CCSER2: variants seen among roughly 807,000 people sequenced by gnomAD.
CCSER2 encodes coiled-coil serine rich protein 2, also known as serine-rich coiled-coil domain-containing protein 2.
A neutral mutation model predicts 92.3 loss-of-function variants in CCSER2; 46 were observed. That is an observed-to-expected ratio of 0.50 (90% CI 0.39 to 0.64). CCSER2 has a LOEUF of 0.64. Among genes scored for constraint, CCSER2 ranks in the 30% least tolerant of loss-of-function variants. The pLI is 0.00. For synonymous variants in CCSER2, 433 were observed against 431.4 expected, an observed-to-expected ratio of 1.00 and a Z score of -0.04; for missense variants, 1,244 against 1,238.9, an observed-to-expected ratio of 1.00 and a Z score of -0.06.
chr10:84,436,305 G>T (rs563670140), intron 5 of CCSER2, among the ~76,000 whole-genome samples: 182 of 109,366 alleles, frequency 1.7e-3, no homozygotes, highest in Middle Eastern at 0.021. Context: ...CAGCCTGGGC[G>T]ACAGAGCGAG....
At chr10:84,478,506 C>T (rs780909983) in intron 9 of CCSER2, among the ~76,000 whole-genome samples, 6 of 152,128 alleles carry the variant, frequency 3.9e-5, no homozygotes, top group Non-Finnish European at 8.8e-5. Flanking sequence ...AAAGCTTAGC[C>T]ATAAGCCTTT....
At chr10:84,447,975 T>C (rs1198251867) in intron 6 of CCSER2, among the ~76,000 whole-genome samples, 1 of 152,124 alleles carries the variant, frequency 6.6e-6, no homozygotes, top group East Asian at 1.9e-4. Context: ...GTTATCCTGC[T>C]AAGATTCTGA....
At chr10:84,348,456 G>C (rs1844668462) in intron 1 of CCSER2, among the ~76,000 whole-genome samples, 3 of 143,906 alleles carry the variant, frequency 2.1e-5, no homozygotes, top group African/African-American at 7.7e-5. Context: ...GAGAGGGAGA[G>C]GGAGACCATG....
chr10:84,358,639 TATATATGTGTATATATATATACATATAC>T (rs1199732651), intron 1 of CCSER2, among the ~76,000 whole-genome samples: 1 of 148,180 alleles, frequency 6.7e-6, no homozygotes, highest in African/African-American at 2.5e-5. Flanking sequence ...TATATATATG[TATATATGTGTATATATATATACATATAC>T]ATATATGTAT....
chr10:84,500,655 T>C (rs1848675219), intron 9 of CCSER2, among the ~76,000 whole-genome samples: 1 of 152,246 alleles, frequency 6.6e-6, no homozygotes. Flanking sequence ...TTTTATGTAC[T>C]TAAGTATGCC....
intron 3 of CCSER2, among the ~76,000 whole-genome samples, chr10:84,399,954 G>C (rs987811325): frequency 6.6e-6 from 1 of 151,324 alleles, no homozygotes; most frequent in African/African-American, 2.4e-5. Context: ...GGCGTTAAGT[G>C]GTATTTTATT....
chr10:84,511,680 T>C (rs556827265), intron 9 of CCSER2, among the ~76,000 whole-genome samples: 1 of 152,320 alleles, frequency 6.6e-6, no homozygotes, highest in East Asian at 1.9e-4. Context: ...TTACTTTTTA[T>C]TCCCTTTGGT....
chr10:84,446,305 A>C (rs921249654), intron 6 of CCSER2, among the ~76,000 whole-genome samples: 5 of 152,222 alleles, frequency 3.3e-5, no homozygotes, highest in Non-Finnish European at 7.3e-5. Context: ...GTATTTTATG[A>C]ACTGTCAAAT....
chr10:84,346,919 G>A (rs1844519704), intron 1 of CCSER2, among the ~76,000 whole-genome samples: 1 of 152,058 alleles, frequency 6.6e-6, no homozygotes, highest in Non-Finnish European at 1.5e-5. Flanking sequence ...CTAGGCAGAG[G>A]ACCCTGTGGC....
intron 3 of CCSER2, among the ~76,000 whole-genome samples, chr10:84,401,989 A>T (rs1458145478): frequency 6.6e-6 from 1 of 152,172 alleles, no homozygotes; most frequent in Admixed American, 6.5e-5. Context: ...CATTAAATGG[A>T]CCATTCACTT....
At chr10:84,443,819 A>G (rs1844736163) in intron 6 of CCSER2, among the ~76,000 whole-genome samples, 1 of 152,214 alleles carries the variant, frequency 6.6e-6, no homozygotes, top group East Asian at 1.9e-4. Context: ...GCCACAAAAA[A>G]GGATGAGTTC....
chr10:84,471,273 T>C (rs1156343973), intron 8 of CCSER2, among the ~76,000 whole-genome samples: 2 of 151,832 alleles, frequency 1.3e-5, no homozygotes, highest in Admixed American at 6.6e-5. Context: ...ACAAAGAAAA[T>C]TTATGAAACT....
intron 3 of CCSER2, among the ~76,000 whole-genome samples, chr10:84,386,469 C>T (rs569624227): frequency 6.6e-6 from 1 of 152,314 alleles, no homozygotes; most frequent in East Asian, 1.9e-4. Context: ...GTAATCCCAG[C>T]AGTTTGGGAG....
intron 1 of CCSER2, among the ~76,000 whole-genome samples, chr10:84,368,856 G>A (rs1845919479): frequency 6.6e-6 from 1 of 151,962 alleles, no homozygotes; most frequent in South Asian, 2.1e-4. Flanking sequence ...CCCCCTTTCT[G>A]AGTCTCCAGT....
At chr10:84,509,829 C>T (rs1048481251) in intron 9 of CCSER2, among the ~76,000 whole-genome samples, 5 of 152,148 alleles carry the variant, frequency 3.3e-5, no homozygotes, top group African/African-American at 7.2e-5. Flanking sequence ...TGAAATCCAT[C>T]GATTAGCGGA....
Position 84,371,081 on chromosome 10 carries a change from T to C in CCSER2, c.29T>C (p.Phe10Ser), listed in dbSNP as rs1329491430. The C allele has an allele frequency of 6.3e-7, 1 of 1,596,304 alleles. No homozygotes were observed. Among genetic ancestry groups the C allele is most frequent in the Non-Finnish European group, 8.5e-7 (1 of 1,173,166 alleles). The change falls in exon 2 of 10, where the codon TTT becomes TCT. Residue 10 changes from phenylalanine (F) to serine (S), a missense_variant. Physicochemically the swap from Phe to Ser is radical, Grantham distance 155. Coordinates refer to ENST00000372088, the MANE Select transcript of CCSER2 (RefSeq NM_001284240.2). MEEKTQIKT[F>S]LGSKLPKYGT... is the part of the protein sequence containing the mutation. ...GAAGAAAAAACACAAATCAAGACATTTTTGGGTTCCAAGTTGCCAAAGTAT... is the reference window on the plus strand; with the variant it reads ...GAAGAAAAAACACAAATCAAGACATCTTTGGGTTCCAAGTTGCCAAAGTAT...
At chr10:84,375,373 T>C (rs369709299) in intron 3 of CCSER2, among the ~76,000 whole-genome samples, 1 of 152,168 alleles carries the variant, frequency 6.6e-6, no homozygotes, top group Non-Finnish European at 1.5e-5. Context: ...AAGGAGAAGA[T>C]GACAAAGTCT....
intron 6 of CCSER2, among the ~76,000 whole-genome samples, chr10:84,443,198 G>A (rs1253817201): frequency 6.6e-6 from 1 of 152,170 alleles, no homozygotes; most frequent in Non-Finnish European, 1.5e-5. Flanking sequence ...ACTACCATCA[G>A]AGTGAAGAGG....
chr10:84,460,144 C>T (rs1435089139), intron 6 of CCSER2, among the ~76,000 whole-genome samples: 3 of 134,602 alleles, frequency 2.2e-5, no homozygotes, highest in African/African-American at 5.5e-5. Context: ...GGCTGGAGTG[C>T]GGGGGTGCAG....
Sources: allele counts gnomAD v4.1 joint callset (sites outside exome capture counted in the v4.1 genomes callset), GRCh38; gene constraint gnomAD v4.1.1; transcripts MANE v1.5; gene names NCBI Gene and HGNC (gene_info 2026-07-23, HGNC 2026-07-21).